Variants in CHST8 observed in about 807,000 individuals in gnomAD.
CHST8 encodes the protein carbohydrate sulfotransferase 8.
Under a neutral mutation model 15.0 loss-of-function variants are expected in CHST8, and 10 were observed. The observed-to-expected ratio is 0.67, with a 90% CI of 0.41 to 1.13. The LOEUF is 1.13. Among genes scored for constraint, CHST8 ranks in the 50% most tolerant of loss-of-function variants. The pLI is 0.00. For synonymous variants in CHST8, 259 were observed against 256.6 expected (o/e 1.01, Z -0.09); for missense variants, 634 against 608.2 (o/e 1.04, Z -0.45).
intron 4 of CHST8, among the ~76,000 whole-genome samples, chr19:33,771,727 T>G (rs1162348882): frequency 6.6e-6 from 1 of 152,126 alleles, no homozygotes; most frequent in African/African-American, 2.4e-5. Context: ...GCCAGGTTCC[T>G]GGGAGGACCG....
intron 1 of CHST8, among the ~76,000 whole-genome samples, chr19:33,651,023 G>T (rs1972442219): frequency 6.6e-6 from 1 of 152,086 alleles, no homozygotes; most frequent in Admixed American, 6.6e-5. Context: ...TTAAATATAT[G>T]ATTTGCAAAT....
intron 3 of CHST8, among the ~76,000 whole-genome samples, chr19:33,699,966 A>C (rs959223148): frequency 6.6e-6 from 1 of 152,198 alleles, no homozygotes; most frequent in African/African-American, 2.4e-5. Context: ...TGATAGAGGC[A>C]ACAGAAGTGC....
At chr19:33,690,505 A>G (rs1170145756) in intron 3 of CHST8, among the ~76,000 whole-genome samples, 1 of 152,170 alleles carries the variant, frequency 6.6e-6, no homozygotes, top group Non-Finnish European at 1.5e-5. Flanking sequence ...AAAGAGCACA[A>G]GGAGGCCAGA....
At chr19:33,648,193 C>A (rs116056221) in intron 1 of CHST8, among the ~76,000 whole-genome samples, 1 of 152,000 alleles carries the variant, frequency 6.6e-6, no homozygotes, top group Non-Finnish European at 1.5e-5. Context: ...AGTCCTCTCT[C>A]TCTCTCTCCT....
intron 3 of CHST8, among the ~76,000 whole-genome samples, chr19:33,758,895 G>A (rs1273167678): frequency 6.6e-6 from 1 of 151,992 alleles, no homozygotes; most frequent in Non-Finnish European, 1.5e-5. Context: ...CAGGAAGTGT[G>A]GCCCCAGCAT....
intron 1 of CHST8, among the ~76,000 whole-genome samples, chr19:33,647,217 A>G (rs1305963257): frequency 1.3e-5 from 2 of 152,344 alleles, no homozygotes; most frequent in South Asian, 2.1e-4. Flanking sequence ...GGAATATTCC[A>G]ACGCGAAGAC....
chr19:33,652,723 G>C (rs1180430479), intron 1 of CHST8, among the ~76,000 whole-genome samples: 1 of 151,914 alleles, frequency 6.6e-6, no homozygotes, highest in Non-Finnish European at 1.5e-5. Context: ...TACTTAACTT[G>C]CTTTTTCATT....
chr19:33,757,514 GAAA>G (rs1974608240), intron 3 of CHST8, among the ~76,000 whole-genome samples: 1 of 54,042 alleles, frequency 1.9e-5, no homozygotes, highest in African/African-American at 9.0e-5. Flanking sequence ...AAGAAAGAAA[GAAA>G]GAAAGAGAAA....
chr19:33,695,449 T>G (rs1031517371), intron 3 of CHST8, among the ~76,000 whole-genome samples: 4 of 152,162 alleles, frequency 2.6e-5, no homozygotes, highest in African/African-American at 9.7e-5. Flanking sequence ...GGGGTATAGG[T>G]GGTTTTTGGT....
intron 1 of CHST8, among the ~76,000 whole-genome samples, chr19:33,642,996 C>A (rs1360629360): frequency 6.6e-6 from 1 of 152,146 alleles, no homozygotes; most frequent in Non-Finnish European, 1.5e-5. Flanking sequence ...AGAACCGGTT[C>A]CTTGTTGGAC....
rs183777384 is a variant in CHST8, at chr19:33,769,267, G to C, written c.131-2146G>C. On this transcript the variant is annotated intron_variant, in intron 3 of 4. Coordinates refer to ENST00000650847, the MANE Select transcript of CHST8 (RefSeq NM_001127895.2). The stretch of plus-strand genomic sequence containing the variant: ...CCCCCCGACTGGCAGGATCCCTTTT[G>C]GAAGTGGCTTCTCAGCCCCACTCTT... Among the ~76,000 whole-genome samples the C allele has an allele frequency of 2.6e-5, 4 of 152,300 alleles. No individual in the cohort carries two copies. In the East Asian group the frequency reaches 7.7e-4, roughly 29 times the overall value.
rs544304472 is a variant in CHST8, at chr19:33,637,189, C to T, written c.-164+14893C>T. On this transcript the variant is annotated intron_variant, in intron 1 of 4. Coordinates refer to ENST00000650847, the MANE Select transcript of CHST8 (RefSeq NM_001127895.2). Reference sequence around the variant, plus strand: ...CTTTTGGCTGGCTTCTTTACTGCAACCTGTTTCATCAGCAATGTCTTTATG... The same window carrying T: ...CTTTTGGCTGGCTTCTTTACTGCAATCTGTTTCATCAGCAATGTCTTTATG... Among the ~76,000 whole-genome samples, 13 of 152,252 alleles carry T rather than the reference C, an allele frequency of 8.5e-5. No individual in the cohort carries two copies. In the South Asian group the frequency reaches 2.7e-3, roughly 32 times the overall value.
intron 1 of CHST8, among the ~76,000 whole-genome samples, chr19:33,648,154 G>C (rs1972377944): frequency 6.6e-6 from 1 of 152,000 alleles, no homozygotes; most frequent in South Asian, 2.1e-4. Flanking sequence ...GCAGAACAGT[G>C]GATGCAAATA....
rs951739339 is a variant in CHST8, at chr19:33,773,193, A to G, written c.*130A>G. 40 of 1,112,680 alleles carry G rather than the reference A, an allele frequency of 3.6e-5. 2 individuals carry two copies. The highest frequency in any genetic ancestry group is 3.0e-4 in the South Asian group (18 of 60,794). The allele number at this position is 1,112,680 out of a possible 1,614,324, so 68.9% of individuals were successfully genotyped here. Reference sequence around the variant, plus strand: ...GGACGTGAGGAGCCATCGCTGTGGGAGGCAGCAGGCCCCGGGTGGGGGGCA... The same window carrying G: ...GGACGTGAGGAGCCATCGCTGTGGGGGGCAGCAGGCCCCGGGTGGGGGGCA... On this transcript the variant is annotated 3_prime_UTR_variant, in exon 5 of 5. Coordinates refer to ENST00000650847, the MANE Select transcript of CHST8 (RefSeq NM_001127895.2).
At chr19:33,659,057 G>A (rs540752581) in intron 1 of CHST8, among the ~76,000 whole-genome samples, 13 of 97,686 alleles carry the variant, frequency 1.3e-4, no homozygotes, top group South Asian at 6.5e-4. Flanking sequence ...GTTAGGTAAT[G>A]ACTTTTTTTT....
At chr19:33,694,414 A>G (rs1973168860) in intron 3 of CHST8, among the ~76,000 whole-genome samples, 2 of 151,220 alleles carry the variant, frequency 1.3e-5, no homozygotes, top group South Asian at 2.1e-4. Flanking sequence ...TGGACAGCAA[A>G]GATCCCCCTC....
Position 33,772,942 on chromosome 19 carries a change from C to G in CHST8, c.1154C>G (p.Ala385Gly), listed in dbSNP as rs756173608. 6.8e-6 allele frequency: 11 copies of G among 1,613,452 alleles called. No individual in the cohort carries two copies. The South Asian group carries it at 8.8e-5, about 13-fold the overall frequency. Residue 385 changes from alanine (A) to glycine (G), a missense_variant, in exon 5 of 5, where the codon GCG becomes GGG. By Grantham distance (60) the Ala-to-Gly change is moderately conservative. Transcript: ENST00000650847. ...CACTCGCAGGAGGCGCGGACCACAG[C>G]GAGGATCGCCCACCAGTACTTCGCC... ...DRHSQEARTTARIAHQYFAQL... is the reference protein window; with the variant it reads ...DRHSQEARTTGRIAHQYFAQL...
At chr19:33,686,633 C>G (rs1370315084) in intron 2 of CHST8, among the ~76,000 whole-genome samples, 1 of 152,176 alleles carries the variant, frequency 6.6e-6, no homozygotes, top group Non-Finnish European at 1.5e-5. Flanking sequence ...AGCCATGAAG[C>G]TGTTCTCCTT....
chr19:33,661,644 C>A (rs1415348337), intron 1 of CHST8, among the ~76,000 whole-genome samples: 1 of 152,238 alleles, frequency 6.6e-6, no homozygotes, highest in East Asian at 1.9e-4. Context: ...GCCCCCACTG[C>A]ACGGGGGACC....
Sources: gnomAD v4.1 joint callset for allele counts (sites outside exome capture counted in the v4.1 genomes callset) on GRCh38, gnomAD v4.1.1 for gene constraint, MANE v1.5 for transcripts, NCBI Gene and HGNC (gene_info 2026-07-23, HGNC 2026-07-21) for gene names.